The following CCNF variants were observed in gnomAD, a reference collection of about 807,000 sequenced individuals.
CCNF encodes cyclin-F.
CCNF carries 30 observed loss-of-function variants against 85.4 expected under a neutral mutation model. The observed-to-expected ratio is 0.35, with a 90% CI of 0.26 to 0.48. The LOEUF (loss-of-function observed/expected upper bound fraction) is 0.48. Among genes scored for constraint, CCNF ranks in the 20% least tolerant of loss-of-function variants. The pLI, the probability that CCNF is intolerant of heterozygous loss-of-function variation, is 0.99. For synonymous variants in CCNF, 439 were observed against 425.1 expected (o/e 1.03, Z -0.40); for missense variants, 919 against 1,010.4 (o/e 0.91, Z 1.23).
chr16:2,429,649 G>A (rs796845257), intron 1 of CCNF, 152 bp downstream of exon 1: 2 of 857,318 alleles, frequency 2.3e-6, no homozygotes, highest in Non-Finnish European at 3.0e-6. Flanking sequence ...CGCGTCCCGC[G>A]CAGGGAGCCC....
chr16:2,449,240 C>T, intron 11 of CCNF, 42 bp from the exon 12 acceptor site: 1 of 1,602,136 alleles, frequency 6.2e-7, no homozygotes, highest in Non-Finnish European at 8.6e-7. Context: ...CACCAAGGAG[C>T]CCCCGAGCGC....
intron 13 of CCNF, among the ~76,000 whole-genome samples, chr16:2,450,258 G>T (rs1180187958): frequency 6.6e-6 from 1 of 150,714 alleles, no homozygotes; most frequent in Non-Finnish European, 1.5e-5. Flanking sequence ...CCAGCACTTT[G>T]GGAGGCCAAA....
At chr16:2,445,350 C>T in intron 9 of CCNF, 108 bp from the exon 10 acceptor site, 3 of 1,288,932 alleles carry the variant, frequency 2.3e-6, no homozygotes, top group South Asian at 1.3e-5. Flanking sequence ...CCCATGATTC[C>T]AGAGCTAGCC....
chr16:2,434,892 C>T (rs1489934927), intron 3 of CCNF, among the ~76,000 whole-genome samples: 1 of 152,090 alleles, frequency 6.6e-6, no homozygotes, highest in East Asian at 1.9e-4. Context: ...CTTTCACGGA[C>T]CCTGATGTTT....
Position 2,455,387 on chromosome 16 carries a change from C to T in CCNF, c.1716-8C>T, listed in dbSNP as rs1242890393. On this transcript the variant is annotated splice_polypyrimidine_tract_variant and splice_region_variant and intron_variant, in intron 15 of 16. Transcript: ENST00000397066. ...GACTGGGTCTCCTGGGCTCTCTCCACCTTGCAGGAAGCGGGAGAACAGCCT... is the reference window on the plus strand; with the variant it reads ...GACTGGGTCTCCTGGGCTCTCTCCATCTTGCAGGAAGCGGGAGAACAGCCT... 6.3e-7 allele frequency: 1 copy of T among 1,575,574 alleles called. No homozygotes were observed. Among genetic ancestry groups the T allele is most frequent in the South Asian group, 1.1e-5 (1 of 88,246 alleles).
chr16:2,455,057 CAAAA>C (rs113432361), intron 15 of CCNF, among the ~76,000 whole-genome samples: 751 of 47,206 alleles, frequency 0.016, 6 homozygotes, highest in African/African-American at 0.054. Flanking sequence ...AAGAACACCT[CAAAA>C]AAAAAAAAAA....
rs756208265 is a variant in CCNF at position 2,439,730 on chromosome 16, G to A, written c.700-19G>A. The stretch of plus-strand genomic sequence containing the variant: ...CCAAGACACAGTTGTACAAAGGCTC[G>A]GTGATCTCCCATTGACAGGTGTCAG... On this transcript the variant is annotated intron_variant, in intron 7 of 16. Coordinates refer to ENST00000397066, the MANE Select transcript of CCNF (RefSeq NM_001761.3). 6.2e-6 allele frequency: 10 copies of A among 1,608,970 alleles called. No homozygotes were observed. Among genetic ancestry groups the A allele is most frequent in the African/African-American group, 4.0e-5 (3 of 74,792 alleles).
intron 8 of CCNF, among the ~76,000 whole-genome samples, chr16:2,440,815 G>A (rs886758391): frequency 1.3e-5 from 2 of 152,186 alleles, no homozygotes. Context: ...AAGGCCAGAC[G>A]TGATGGCTCA....
At chr16:2,447,707 C>T (rs1428291607) in intron 10 of CCNF, among the ~76,000 whole-genome samples, 3 of 151,812 alleles carry the variant, frequency 2.0e-5, no homozygotes, top group African/African-American at 4.8e-5. Context: ...GCTGAGATAG[C>T]GCCACTGCAC....
At chr16:2,431,719 G>A (rs1014637900) in intron 2 of CCNF, among the ~76,000 whole-genome samples, 8 of 150,666 alleles carry the variant, frequency 5.3e-5, no homozygotes, top group Admixed American at 5.3e-4. Flanking sequence ...AAGGAAACAA[G>A]GATGATATCA....
At chr16:2,443,018 A>G (rs1374335858) in intron 8 of CCNF, among the ~76,000 whole-genome samples, 2 of 116,698 alleles carry the variant, frequency 1.7e-5, no homozygotes, top group African/African-American at 6.7e-5. Context: ...TAATTATATT[A>G]TATGTTCTAT....
At chr16:2,440,544 G>A (rs2065315608) in intron 8 of CCNF, among the ~76,000 whole-genome samples, 1 of 152,014 alleles carries the variant, frequency 6.6e-6, no homozygotes, top group Non-Finnish European at 1.5e-5. Flanking sequence ...GGAGGCAGAG[G>A]TTGCAGTACC....
Position 2,439,824 on chromosome 16 carries a change from C to A in CCNF, c.775C>A (p.Gln259Lys). The A allele has an allele frequency of 1.2e-6, 2 of 1,613,948 alleles. No individual in the cohort carries two copies. Among genetic ancestry groups the A allele is most frequent in the East Asian group, 4.5e-5 (2 of 44,878 alleles). The change falls in exon 8 of 17, where the codon CAG (glutamine) becomes AAG (lysine). Residue 259 changes from glutamine to lysine, a missense_variant and splice_region_variant. By Grantham distance (53) the Gln-to-Lys change is moderately conservative. Coordinates refer to ENST00000397066, the MANE Select transcript of CCNF (RefSeq NM_001761.3). The part of the protein sequence containing the change: ...DYAAKGCWEA[Q>K]LSLAKACANA... ...CGCTGCCAAAGGCTGCTGGGAAGCG[C>A]AGGTGAGGTGCGGGGCTGGGATGAC...
intron 10 of CCNF, among the ~76,000 whole-genome samples, chr16:2,447,717 C>T (rs1210758166): frequency 6.6e-6 from 1 of 151,868 alleles, no homozygotes; most frequent in Non-Finnish European, 1.5e-5. Context: ...CGCCACTGCA[C>T]TAATCCAGCC....
At chr16:2,438,581 G>A (rs2065304212) in intron 6 of CCNF, among the ~76,000 whole-genome samples, 1 of 150,648 alleles carries the variant, frequency 6.6e-6, no homozygotes, top group African/African-American at 2.4e-5. Flanking sequence ...AGCGGAGGTT[G>A]CAGTGAGCCG....
rs745932967 is a variant in CCNF at position 2,445,555 on chromosome 16, C to T, written c.1027C>T (p.Arg343Trp). ...CGTGGAGTGTGTGGACCGGTACCTG[C>T]GGAGGAGGCTGGTGCCGCGGTACAG... The part of the protein sequence containing the change: ...LTVECVDRYL[R>W]RRLVPRYRLQ... Residue 343 changes from arginine (R) to tryptophan (W), a missense_variant, in exon 10 of 17, where the codon CGG (arginine) becomes TGG (tryptophan). This residue lies in a region of CCNF where 410 missense variants were observed against 478.6 expected (regional missense o/e 0.86). Coordinates refer to ENST00000397066, the MANE Select transcript of CCNF (RefSeq NM_001761.3). The T allele has an allele frequency of 2.7e-5, 43 of 1,613,846 alleles. No individual in the cohort carries two copies. The Admixed American group carries it at 5.0e-4, about 19-fold the overall frequency.
intron 8 of CCNF, among the ~76,000 whole-genome samples, chr16:2,443,345 C>T (rs553573316): frequency 2.0e-5 from 3 of 151,496 alleles, no homozygotes; most frequent in South Asian, 4.2e-4. Context: ...AGCACTGGGG[C>T]GTATGGCCAG....
In CCNF at chr16:2,456,601, C is replaced by A; in HGVS notation, c.1942C>A (p.His648Asn). The A allele has an allele frequency of 6.3e-7, 1 of 1,598,960 alleles. No individual in the cohort carries two copies. The highest frequency in any genetic ancestry group is 1.1e-5 in the South Asian group (1 of 89,044). Residue 648 changes from histidine to asparagine, a missense_variant, in exon 17 of 17, where the codon CAT becomes AAT. Physicochemically the swap from His to Asn is moderately conservative, Grantham distance 68. This residue lies in a region of CCNF where 505 missense variants were observed against 514.8 expected (regional missense o/e 0.98). Transcript: ENST00000397066. The surrounding 1 kb of genome is among the most constrained non-coding windows in gnomAD (Gnocchi z 4.5). ...CGTGGTCTACCTGAACCCAGAACAG[C>A]ATTGCTGCCAGGAATCCAGTGATGA... ...VTVVYLNPEQ[H>N]CCQESSDEEA... is the part of the protein sequence containing the mutation.
At position 2,451,569 on chromosome 16, in the gene CCNF, T is replaced by C. The variant is rs910686524; in HGVS notation, c.1488-1641T>C. Among the ~76,000 whole-genome samples, 2 of 152,152 alleles carry C rather than the reference T, an allele frequency of 1.3e-5. No individual in the cohort carries two copies. Among genetic ancestry groups the C allele is most frequent in the East Asian group, 1.9e-4 (1 of 5,182 alleles). ...AGCAGACTCAGCGGTGTGGGCTTTT[T>C]TTTCCTTTTTTGAGTTGGGGGCCCA... On this transcript the variant is annotated intron_variant, in intron 13 of 16. Coordinates refer to ENST00000397066, the MANE Select transcript of CCNF (RefSeq NM_001761.3). This position sits in a 1 kb window ranked among gnomAD's most constrained non-coding sequence, Gnocchi z 4.3.
Sources: gnomAD v4.1 joint callset for allele counts (sites outside exome capture counted in the v4.1 genomes callset) on GRCh38, gnomAD v4.1.1 for gene constraint, gnomAD v4.1.1 regional missense constraint, Gnocchi (gnomAD v3.1) non-coding constraint, MANE v1.5 for transcripts, NCBI Gene and HGNC (gene_info 2026-07-23, HGNC 2026-07-21) for gene names.